KLF8: variants seen among roughly 807,000 people sequenced by gnomAD.
KLF8 encodes the protein KLF transcription factor 8, also known as Krueppel-like factor 8.
KLF8 carries 10 observed loss-of-function variants against 18.2 expected under a neutral mutation model. The ratio of observed to expected loss-of-function variants is 0.55; its 90% confidence interval spans 0.34 to 0.93. The LOEUF is 0.93. Ranked by LOEUF, KLF8 falls within the 40% of genes least tolerant of loss-of-function variation. KLF8 has a pLI of 0.02. For missense variants in KLF8, 264 were observed against 277.9 expected, an observed-to-expected ratio of 0.95 and a Z score of 0.36; for synonymous variants, 109 against 97.3, an observed-to-expected ratio of 1.12 and a Z score of -0.71.
chrX:55,924,254 T>C, the KLF8 span, among the ~76,000 whole-genome samples: 2 of 110,664 alleles, frequency 1.8e-5, no homozygotes, highest in Admixed American at 9.6e-5. Context: ...TTATTTTTAT[T>C]TTTTAGTAGA....
the KLF8 span, among the ~76,000 whole-genome samples, chrX:55,978,875 C>A: frequency 1.8e-5 from 2 of 111,335 alleles, no homozygotes; most frequent in African/African-American, 6.5e-5. Context: ...AGTGAGGTTA[C>A]AAAGAAGGCA....
the KLF8 span, among the ~76,000 whole-genome samples, chrX:55,978,242 G>T: frequency 7.2e-5 from 8 of 110,919 alleles, no homozygotes; most frequent in African/African-American, 2.6e-4. Flanking sequence ...TATGAAAAAT[G>T]TAGGGAACAT....
chrX:56,195,429 T>A, the KLF8 span, among the ~76,000 whole-genome samples: 1 of 112,101 alleles, frequency 8.9e-6, no homozygotes, highest in South Asian at 3.7e-4. Flanking sequence ...GAGAACTTCG[T>A]GACACGTGCA....
the KLF8 span, among the ~76,000 whole-genome samples, chrX:56,070,432 AAG>A: frequency 1.8e-5 from 2 of 109,749 alleles, no homozygotes; most frequent in Non-Finnish European, 3.8e-5. Flanking sequence ...AAAAAAGAAA[AAG>A]AGAGAGAGAG....
At chrX:55,990,625 G>C in the KLF8 span, among the ~76,000 whole-genome samples, 6 of 111,656 alleles carry the variant, frequency 5.4e-5, no homozygotes, top group Non-Finnish European at 1.9e-5. Flanking sequence ...CCCCATCTTT[G>C]TGGTTTTATC....
chrX:56,250,465 G>A (rs770372459), intron 2 of KLF8, among the ~76,000 whole-genome samples, 161 bp downstream of exon 2: 5 of 111,611 alleles, frequency 4.5e-5, no homozygotes, highest in African/African-American at 1.6e-4. Context: ...GAATGCCTTG[G>A]TTTCATAGTC....
the KLF8 span, among the ~76,000 whole-genome samples, chrX:56,076,852 A>G: frequency 1.8e-5 from 2 of 112,283 alleles, no homozygotes; most frequent in African/African-American, 6.5e-5. Context: ...GTGAGATGAT[A>G]TCTCACTGTG....
At chrX:56,052,343 C>T in the KLF8 span, among the ~76,000 whole-genome samples, 2 of 112,291 alleles carry the variant, frequency 1.8e-5, no homozygotes, top group South Asian at 3.7e-4. Context: ...AGGAGAGGTG[C>T]TCTGCTTTTT....
the KLF8 span, among the ~76,000 whole-genome samples, chrX:56,148,251 TA>T: frequency 9.0e-6 from 1 of 111,346 alleles, no homozygotes. Context: ...TAAAGCAAAA[TA>T]TGAATAACTT....
chrX:56,211,037 C>T, the KLF8 span, among the ~76,000 whole-genome samples: 1 of 111,040 alleles, frequency 9.0e-6, no homozygotes, highest in African/African-American at 3.3e-5. Flanking sequence ...CCAGGATTGG[C>T]CATTTAGTTC....
chrX:56,161,874 C>A, the KLF8 span, among the ~76,000 whole-genome samples: 1 of 111,681 alleles, frequency 9.0e-6, no homozygotes, highest in African/African-American at 3.3e-5. Context: ...AGTTTTTCTG[C>A]TCTGTTTTTT....
the KLF8 span, among the ~76,000 whole-genome samples, chrX:55,991,314 A>T: frequency 8.9e-6 from 1 of 112,291 alleles, no homozygotes; most frequent in Non-Finnish European, 1.9e-5. Flanking sequence ...CACGTGCGGG[A>T]TATAATCTCC....
chrX:55,926,832 T>C, the KLF8 span, among the ~76,000 whole-genome samples: 2 of 110,776 alleles, frequency 1.8e-5, no homozygotes, highest in South Asian at 3.8e-4. Context: ...TAATCAAATT[T>C]GAATTATAGT....
chrX:56,017,256 G>A, the KLF8 span, among the ~76,000 whole-genome samples: 1 of 112,338 alleles, frequency 8.9e-6, no homozygotes, highest in East Asian at 2.8e-4. Context: ...TGCCATTGCT[G>A]TAGCAGTTGG....
chrX:56,104,443 G>A, the KLF8 span, among the ~76,000 whole-genome samples: 3 of 111,285 alleles, frequency 2.7e-5, no homozygotes, highest in African/African-American at 9.8e-5. Flanking sequence ...TTTAGTCTTG[G>A]GAGGGTGTAT....
chrX:56,001,713 C>CA, the KLF8 span, among the ~76,000 whole-genome samples: 1 of 111,909 alleles, frequency 8.9e-6, no homozygotes, highest in Non-Finnish European at 1.9e-5. Context: ...AACAACTCCA[C>CA]AAAAACTTCC....
chrX:56,085,089 GAGA>G, the KLF8 span, among the ~76,000 whole-genome samples: 1 of 112,075 alleles, frequency 8.9e-6, no homozygotes, highest in East Asian at 2.8e-4. Context: ...ATGCTGGTCA[GAGA>G]AGATTTTCTG....
the KLF8 span, among the ~76,000 whole-genome samples, chrX:56,004,905 C>T: frequency 9.0e-6 from 1 of 111,209 alleles, no homozygotes; most frequent in African/African-American, 3.3e-5. Context: ...CTGGAGATTT[C>T]CGTGGGAATA....
At chrX:56,102,907 C>G in the KLF8 span, among the ~76,000 whole-genome samples, 1 of 78,902 alleles carries the variant, frequency 1.3e-5, no homozygotes, top group Admixed American at 1.5e-4. Context: ...CCCCCTCCCC[C>G]CACCCCACAA....
Sources: allele counts gnomAD v4.1 joint callset (sites outside exome capture counted in the v4.1 genomes callset), GRCh38; gene constraint gnomAD v4.1.1; transcripts MANE v1.5; gene names NCBI Gene and HGNC (gene_info 2026-07-23, HGNC 2026-07-21).